Variants in ADAM7 observed in about 807,000 individuals in gnomAD.
ADAM7 encodes the protein disintegrin and metalloproteinase domain-containing protein 7.
ADAM7 carries 97 observed loss-of-function variants against 102.9 expected under a neutral mutation model. That is an observed-to-expected ratio of 0.94 (90% CI 0.80 to 1.12). The LOEUF is 1.12. ADAM7 is among the 50% of genes most tolerant of loss of function. The pLI, the probability that ADAM7 is intolerant of heterozygous loss-of-function variation, is 0.00. For synonymous variants in ADAM7, 334 were observed against 304.4 expected, an observed-to-expected ratio of 1.10 and a Z score of -1.01; for missense variants, 991 against 908.7, an observed-to-expected ratio of 1.09 and a Z score of -1.16.
chr8:24,481,892 T>C (rs539128797), intron 8 of ADAM7, among the ~76,000 whole-genome samples: 3 of 152,246 alleles, frequency 2.0e-5, no homozygotes, highest in South Asian at 2.1e-4. Context: ...CTGTAAGACT[T>C]ATGATAGTTC....
chr8:24,478,458 A>G (rs1031735744), intron 8 of ADAM7, among the ~76,000 whole-genome samples: 4 of 152,156 alleles, frequency 2.6e-5, no homozygotes, highest in Non-Finnish European at 5.9e-5. Context: ...TGATTTGGGT[A>G]CCTTAATTAC....
chr8:24,475,901 T>C (rs1401523245), intron 7 of ADAM7: 1 of 456,252 alleles, frequency 2.2e-6, no homozygotes, highest in Non-Finnish European at 4.4e-6. Context: ...ACATGAAAAG[T>C]CTGGTTTGCC....
At chr8:24,499,194 T>C (rs1820661262) in intron 16 of ADAM7, 42 bp from the exon 17 acceptor site, 2 of 1,458,270 alleles carry the variant, frequency 1.4e-6, no homozygotes, top group East Asian at 2.5e-5. Flanking sequence ...TTCACATCAA[T>C]TGTAAGTCAT....
At chr8:24,441,230 T>G (rs1195920855) in intron 1 of ADAM7, 70 bp downstream of exon 1, 4 of 1,441,494 alleles carry the variant, frequency 2.8e-6, no homozygotes, top group Non-Finnish European at 3.9e-6. Context: ...GTCACAAACT[T>G]TAAACTGTAA....
At chr8:24,485,256 A>AT (rs761402023) in intron 9 of ADAM7, 21 bp from the exon 10 acceptor site, 1 of 1,606,846 alleles carries the variant, frequency 6.2e-7, no homozygotes, top group Non-Finnish European at 8.5e-7. Context: ...ATTGAAGACT[A>AT]TTTTTGCATC....
At chr8:24,458,912 TATA>T (rs891859027) in intron 3 of ADAM7, among the ~76,000 whole-genome samples, 2 of 151,782 alleles carry the variant, frequency 1.3e-5, no homozygotes, top group Non-Finnish European at 1.5e-5. Context: ...TATATTATTT[TATA>T]ATAAATTATT....
At position 24,465,708 on chromosome 8, in the gene ADAM7, T is replaced by G. The variant is rs1242347356; in HGVS notation, c.322T>G (p.Phe108Val). The change falls in exon 5 of 22, where the codon TTT (phenylalanine) becomes GTT (valine). Residue 108 changes from phenylalanine to valine, a missense_variant. Coordinates refer to ENST00000175238, the MANE Select transcript of ADAM7 (RefSeq NM_003817.4). Reference protein sequence around the residue: ...TRHPQIMDHCFYQGSIVHEYD... With the variant: ...TRHPQIMDHCVYQGSIVHEYD... Reference sequence around the variant, plus strand: ...TCTTCTTCTATTTTAGGATCATTGTTTTTACCAAGGATCCATAGTACACGA... The same window carrying G: ...TCTTCTTCTATTTTAGGATCATTGTGTTTACCAAGGATCCATAGTACACGA... The G allele has an allele frequency of 1.9e-6, 3 of 1,601,838 alleles. No individual in the cohort carries two copies. Among genetic ancestry groups the G allele is most frequent in the Non-Finnish European group, 2.6e-6 (3 of 1,174,432 alleles).
At chr8:24,468,858 C>T (rs1437521321) in intron 7 of ADAM7, 38 bp downstream of exon 7, 1 of 1,548,994 alleles carries the variant, frequency 6.5e-7, no homozygotes. Context: ...TTTATTCTTC[C>T]TTTTGGAACT....
In ADAM7 at chr8:24,500,799, T is replaced by C. The variant is rs1295355900; in HGVS notation, c.2012T>C (p.Ile671Thr). 2.5e-6 allele frequency: 4 copies of C among 1,612,960 alleles called. No homozygotes were observed. The South Asian group carries it at 4.4e-5, about 18-fold the overall frequency. ...TTTCTTCATGTTGCAGATATCACCA[T>C]CTTGGTTGTTGTGCTTGTCCTGGTT... ...EETLHVTNIT[I>T]LVVVLVLVIV... The change falls in exon 19 of 22, where the codon ATC becomes ACC. Residue 671 changes from isoleucine to threonine, a missense_variant. By Grantham distance (89) the Ile-to-Thr change is moderately conservative. Coordinates refer to ENST00000175238, the MANE Select transcript of ADAM7 (RefSeq NM_003817.4).
Position 24,489,317 on chromosome 8 carries a change from A to T in ADAM7, c.1250A>T (p.Asp417Val). 2 of 1,611,602 alleles carry T rather than the reference A, an allele frequency of 1.2e-6. No individual in the cohort carries two copies. The highest frequency in any genetic ancestry group is 1.7e-6 in the Non-Finnish European group (2 of 1,178,954). The part of the protein sequence containing the change: ...NKKLDEGEEC[D>V]CGPAQECTNP... ...AAGTTGGATGAGGGTGAAGAGTGTG[A>T]CTGTGGCCCTGCTCAGGTATTTGCA... The change falls in exon 12 of 22, where the codon GAC becomes GTC. Residue 417 changes from aspartate (D) to valine (V), a missense_variant. Transcript: ENST00000175238.
chr8:24,489,051 TA>T, intron 11 of ADAM7, 107 bp from the exon 12 acceptor site: 1 of 1,061,510 alleles, frequency 9.4e-7, no homozygotes, highest in Non-Finnish European at 1.3e-6. Flanking sequence ...GCTCTAACAG[TA>T]AACATTTACA....
At position 24,476,515 on chromosome 8, in the gene ADAM7, A is replaced by T. The variant is rs753731929; in HGVS notation, c.705+11A>T. 6 of 1,599,600 alleles carry T rather than the reference A, an allele frequency of 3.8e-6. No homozygotes were observed. On this transcript the variant is annotated intron_variant, in intron 8 of 21. Transcript: ENST00000175238. ...AATTTTGTCAACATGGTAAGATTTG[A>T]TACAGTTTTTGAATCAAGCCAATAA...
intron 3 of ADAM7, among the ~76,000 whole-genome samples, chr8:24,449,564 T>C (rs542756788): frequency 3.9e-5 from 6 of 152,278 alleles, no homozygotes; most frequent in South Asian, 2.1e-4. Flanking sequence ...TTGTCAGATA[T>C]GCAGGTTGCG....
Position 24,490,903 on chromosome 8 carries a change from C to T in ADAM7, c.1356+15C>T, listed in dbSNP as rs1820323333. The T allele has an allele frequency of 6.2e-7, 1 of 1,600,126 alleles. No individual in the cohort carries two copies. The highest frequency in any genetic ancestry group is 8.5e-7 in the Non-Finnish European group (1 of 1,175,482). On this transcript the variant is annotated intron_variant, in intron 13 of 21. Coordinates refer to ENST00000175238, the MANE Select transcript of ADAM7 (RefSeq NM_003817.4). ...AATCTTGTCAGGTAAGGTCATGTGCCAGGAGAAGGTTTTTTTTTTTCAGTT... is the reference window on the plus strand; with the variant it reads ...AATCTTGTCAGGTAAGGTCATGTGCTAGGAGAAGGTTTTTTTTTTTCAGTT...
intron 13 of ADAM7, among the ~76,000 whole-genome samples, chr8:24,491,660 A>T (rs529848096): frequency 6.6e-6 from 1 of 152,280 alleles, no homozygotes; most frequent in Non-Finnish European, 1.5e-5. Context: ...CATTTGATGT[A>T]CATCCCAACT....
chr8:24,485,335 C>T lies in ADAM7; in HGVS notation c.934C>T (p.Pro312Ser). 1.9e-6 allele frequency: 3 copies of T among 1,613,444 alleles called. No homozygotes were observed. Among genetic ancestry groups the T allele is most frequent in the South Asian group, 2.2e-5 (2 of 91,010 alleles). The stretch of plus-strand genomic sequence containing the variant: ...TTCTTATCCAGGGGGTATGTGCCTG[C>T]CCTATTATTCCACCAGTATCATTAA... ...GISYPGGMCL[P>S]YYSTSIIKDL... Residue 312 changes from proline to serine, a missense_variant, in exon 10 of 22, where the codon CCC becomes TCC. Coordinates refer to ENST00000175238, the MANE Select transcript of ADAM7 (RefSeq NM_003817.4).
chr8:24,492,653 C>T (rs753931858), intron 15 of ADAM7, 56 bp downstream of exon 15: 8 of 1,287,224 alleles, frequency 6.2e-6, no homozygotes, highest in Non-Finnish European at 9.0e-6. Flanking sequence ...TTGTCAAAAT[C>T]AGAATGGCTC....
chr8:24,467,235 G>T, intron 6 of ADAM7: 1 of 503,730 alleles, frequency 2.0e-6, no homozygotes, highest in Non-Finnish European at 3.5e-6. Flanking sequence ...ATAACATTGG[G>T]GCTATGAGTA....
chr8:24,481,543 A>T (rs1819951693), intron 8 of ADAM7, among the ~76,000 whole-genome samples: 1 of 152,198 alleles, frequency 6.6e-6, no homozygotes, highest in Non-Finnish European at 1.5e-5. Flanking sequence ...CCTGGCATAA[A>T]AGTACCTATC....
Sources: allele counts gnomAD v4.1 joint callset (sites outside exome capture counted in the v4.1 genomes callset), GRCh38; gene constraint gnomAD v4.1.1; transcripts MANE v1.5; gene names NCBI Gene and HGNC (gene_info 2026-07-23, HGNC 2026-07-21).